Variants in MACROD1 observed in about 807,000 individuals in gnomAD.
The protein encoded by MACROD1 is ADP-ribose glycohydrolase MACROD1.
A neutral mutation model predicts 41.4 loss-of-function variants in MACROD1; 31 were observed. That is an observed-to-expected ratio of 0.75 (90% CI 0.56 to 1.01). The LOEUF (loss-of-function observed/expected upper bound fraction) is 1.01. Among genes scored for constraint, MACROD1 ranks in the 50% least tolerant of loss-of-function variants. The probability of loss-of-function intolerance (pLI) is 0.00; values close to 1 mark genes in which losing one functional copy is unlikely to be tolerated. For synonymous variants in MACROD1, 252 were observed against 203.4 expected (o/e 1.24, Z -2.03); for missense variants, 473 against 460.0 (o/e 1.03, Z -0.26).
At chr11:64,059,070 T>G (rs1361463316) in intron 3 of MACROD1, among the ~76,000 whole-genome samples, 1 of 152,142 alleles carries the variant, frequency 6.6e-6, no homozygotes, top group African/African-American at 2.4e-5. Flanking sequence ...CAATTTGCAC[T>G]GGGGGAAACT....
chr11:64,143,255 C>T (rs1264256266), intron 3 of MACROD1, among the ~76,000 whole-genome samples: 1 of 152,016 alleles, frequency 6.6e-6, no homozygotes, highest in East Asian at 1.9e-4. Context: ...TCTCTTAAAC[C>T]CCAAATCTGA....
chr11:64,128,795 TGAGCCCAGACTGGCAGCTC>T lies in MACROD1; in HGVS notation c.517+22425_517+22443del, dbSNP rs761842736. On this transcript the variant is annotated intron_variant, in intron 3 of 10. Transcript: ENST00000255681. ...GACCCCTTCCCACGCCTCGCTTGGC[TGAGCCCAGACTGGCAGCTC>T]TTGCCCTCCACACCTCCAGATCCCC... Among the ~76,000 whole-genome samples, 252 of 106,068 alleles carry T rather than the reference TGAGCCCAGACTGGCAGCTC, an allele frequency of 2.4e-3. 4 individuals are homozygous for T. The Middle Eastern group carries it at 0.03, about 13-fold the overall frequency. The allele number at this position is 106,068 out of a possible 152,430, so 69.6% of individuals were successfully genotyped here.
At position 63,999,571 on chromosome 11, in the gene MACROD1, A is replaced by AG. The variant is rs771166896; in HGVS notation, c.787-12dup. On this transcript the variant is annotated splice_polypyrimidine_tract_variant and intron_variant, in intron 6 of 10. Transcript: ENST00000255681. ...GATGCAGGGGAACGCCTGGGCGGGG[A>AG]GGGGTGAGAGGGGGTTGGAACATTG... 1 of 1,609,796 alleles carries AG rather than the reference A, an allele frequency of 6.2e-7. No individual in the cohort carries two copies. The highest frequency in any genetic ancestry group is 2.2e-5 in the East Asian group (1 of 44,730).
intron 3 of MACROD1, among the ~76,000 whole-genome samples, chr11:64,072,100 C>T (rs1353459617): frequency 6.6e-6 from 1 of 152,220 alleles, no homozygotes; most frequent in Admixed American, 6.5e-5. Context: ...GACTGCTGAA[C>T]TCATAACCGC....
At chr11:64,077,549 C>A (rs1944224892) in intron 3 of MACROD1, among the ~76,000 whole-genome samples, 2 of 152,078 alleles carry the variant, frequency 1.3e-5, no homozygotes. Flanking sequence ...AGGGGCGGGG[C>A]AGGGGGGGTC....
chr11:64,065,572 G>A (rs760833571), intron 3 of MACROD1, among the ~76,000 whole-genome samples: 11 of 152,074 alleles, frequency 7.2e-5, no homozygotes, highest in South Asian at 2.1e-4. Context: ...GGCGAATCAC[G>A]AGGTCAGGAG....
intron 3 of MACROD1, among the ~76,000 whole-genome samples, chr11:64,147,113 T>TGGAAG: frequency 6.6e-6 from 1 of 152,218 alleles, no homozygotes. Flanking sequence ...TTGCCCAGGC[T>TGGAAG]GCAGTGCAAT....
chr11:64,008,310 G>C (rs1182414399), intron 4 of MACROD1, among the ~76,000 whole-genome samples: 5 of 150,154 alleles, frequency 3.3e-5, no homozygotes, highest in African/African-American at 1.2e-4. Flanking sequence ...CGCTCGGCTG[G>C]CCCCCAGGGT....
At chr11:64,130,520 G>C (rs1181755328) in intron 3 of MACROD1, among the ~76,000 whole-genome samples, 2 of 152,060 alleles carry the variant, frequency 1.3e-5, no homozygotes, top group Non-Finnish European at 2.9e-5. Flanking sequence ...TAACACCCCA[G>C]GCCACACCCC....
intron 3 of MACROD1, among the ~76,000 whole-genome samples, chr11:64,121,568 C>T (rs1409359494): frequency 1.3e-5 from 2 of 152,230 alleles, no homozygotes; most frequent in Admixed American, 6.5e-5. Flanking sequence ...TTCTGAAACC[C>T]CATCCCCTCT....
chr11:64,116,704 C>T lies in MACROD1; in HGVS notation c.517+34535G>A, dbSNP rs756250929. The T allele has an allele frequency of 5.5e-5, 88 of 1,613,696 alleles. No individual in the cohort carries two copies. The Admixed American group carries it at 9.0e-4, about 17-fold the overall frequency. ...AATGTGCGCACCATTGCCAGGGACT[C>T]GCTGGCCCGCATCCCGCTGCTGGAG... On this transcript the variant is annotated intron_variant, in intron 3 of 10. Coordinates refer to ENST00000255681, the MANE Select transcript of MACROD1 (RefSeq NM_014067.4).
At chr11:64,088,348 G>T (rs973345488) in intron 3 of MACROD1, among the ~76,000 whole-genome samples, 1 of 152,180 alleles carries the variant, frequency 6.6e-6, no homozygotes, top group Non-Finnish European at 1.5e-5. Flanking sequence ...CATAGACCAG[G>T]GGGCAGTGGG....
intron 1 of MACROD1, among the ~76,000 whole-genome samples, chr11:64,155,599 G>A (rs1414963690): frequency 6.6e-6 from 1 of 152,222 alleles, no homozygotes; most frequent in Non-Finnish European, 1.5e-5. Context: ...CTCCTTCCTG[G>A]CGGCTAAATA....
intron 3 of MACROD1, among the ~76,000 whole-genome samples, chr11:64,062,493 A>G (rs1031039340): frequency 1.3e-5 from 2 of 152,180 alleles, no homozygotes; most frequent in African/African-American, 2.4e-5. Flanking sequence ...ATTTCAGCCA[A>G]TCTGGCGCAG....
At chr11:64,118,187 C>T in intron 3 of MACROD1, 1 of 1,613,548 alleles carries the variant, frequency 6.2e-7, no homozygotes, top group Non-Finnish European at 8.5e-7. Flanking sequence ...CTATCTTCCC[C>T]TCCAACGGCA....
chr11:64,083,446 C>T (rs1213427786), intron 3 of MACROD1, among the ~76,000 whole-genome samples: 2 of 152,144 alleles, frequency 1.3e-5, no homozygotes, highest in African/African-American at 2.4e-5. Flanking sequence ...GAGACTCTGT[C>T]CCCCAAAAAT....
At position 64,067,892 on chromosome 11, in the gene MACROD1, C is replaced by T. The variant is rs936420093; in HGVS notation, c.518-52611G>A. ...TTCCTGCTGCTGTCCATTTAGCCAG[C>T]GGTTCGCTCGGCTTTTAGGAGGGGG... On this transcript the variant is annotated intron_variant, in intron 3 of 10. Transcript: ENST00000255681. The surrounding 1 kb of genome is among the most constrained non-coding windows in gnomAD (Gnocchi z 4.6). 6.6e-6 allele frequency among the ~76,000 whole-genome samples: 1 copy of T among 152,124 alleles called. No individual in the cohort carries two copies. The highest frequency in any genetic ancestry group is 2.4e-5 in the African/African-American group (1 of 41,430).
At chr11:64,081,208 G>A (rs1941554761) in intron 3 of MACROD1, among the ~76,000 whole-genome samples, 1 of 152,186 alleles carries the variant, frequency 6.6e-6, no homozygotes, top group South Asian at 2.1e-4. Flanking sequence ...TTTTAGTAGA[G>A]ATGGGGTTTC....
Position 64,129,193 on chromosome 11 carries a change from T to G in MACROD1, c.517+22046A>C, listed in dbSNP as rs566006035. On this transcript the variant is annotated intron_variant, in intron 3 of 10. Coordinates refer to ENST00000255681, the MANE Select transcript of MACROD1 (RefSeq NM_014067.4). The stretch of plus-strand genomic sequence containing the variant: ...CCGGTCACAGGCCTTTGGGAACCAC[T>G]GGATTAACACCACTGCTCTCCTGGG... 9.8e-5 allele frequency among the ~76,000 whole-genome samples: 15 copies of G among 152,366 alleles called. No homozygotes were observed. In the East Asian group the frequency reaches 2.5e-3, roughly 25 times the overall value.
Sources: gnomAD v4.1 joint callset for allele counts (sites outside exome capture counted in the v4.1 genomes callset) on GRCh38, gnomAD v4.1.1 for gene constraint, Gnocchi (gnomAD v3.1) non-coding constraint, MANE v1.5 for transcripts, NCBI Gene and HGNC (gene_info 2026-07-23, HGNC 2026-07-21) for gene names.